Variants in ZBTB46 observed in about 807,000 individuals in gnomAD.
ZBTB46 encodes zinc finger and BTB domain-containing protein 46.
Under a neutral mutation model 44.1 loss-of-function variants are expected in ZBTB46, and 8 were observed. The observed-to-expected ratio is 0.18, with a 90% CI of 0.11 to 0.33. The LOEUF is 0.33. ZBTB46 is among the 10% of genes least tolerant of loss of function. The pLI is 1.00. For missense variants in ZBTB46, 651 were observed against 847.7 expected, an observed-to-expected ratio of 0.77 and a Z score of 2.88; for synonymous variants, 409 against 382.3, an observed-to-expected ratio of 1.07 and a Z score of -0.81.
chr20:63,760,320 C>A lies in ZBTB46; in HGVS notation c.1223-7459G>T, dbSNP rs550333840. 2.0e-5 allele frequency among the ~76,000 whole-genome samples: 3 copies of A among 152,322 alleles called. No homozygotes were observed. The East Asian group carries it at 5.8e-4, about 29-fold the overall frequency. The stretch of plus-strand genomic sequence containing the variant: ...CAGATCATAAAACCATTGAGCTCTT[C>A]CTGTTTGCTCCAGTTTTGATAAATT... On this transcript the variant is annotated intron_variant, in intron 3 of 4. Transcript: ENST00000245663.
chr20:63,792,569 T>A (rs748058104), intron 1 of ZBTB46, among the ~76,000 whole-genome samples: 29 of 151,838 alleles, frequency 1.9e-4, no homozygotes, highest in Non-Finnish European at 3.8e-4. Context: ...CAGGCTGGAG[T>A]GCAGTGGTTT....
At chr20:63,750,408 T>C (rs1432015431) in intron 4 of ZBTB46, among the ~76,000 whole-genome samples, 1 of 151,916 alleles carries the variant, frequency 6.6e-6, no homozygotes, top group African/African-American at 2.4e-5. Context: ...TTTTTTTTTT[T>C]TTTAATTTTT....
At chr20:63,795,553 C>T (rs1156690929) in intron 1 of ZBTB46, among the ~76,000 whole-genome samples, 1 of 152,258 alleles carries the variant, frequency 6.6e-6, no homozygotes, top group East Asian at 1.9e-4. Flanking sequence ...GTGGTCTCCA[C>T]AGTGCACGCT....
intron 1 of ZBTB46, among the ~76,000 whole-genome samples, chr20:63,818,313 T>A (rs2092771694): frequency 6.6e-6 from 1 of 152,140 alleles, no homozygotes; most frequent in Non-Finnish European, 1.5e-5. Flanking sequence ...CCAGAAGCCC[T>A]CGGTGCAGCC....
chr20:63,786,101 C>T (rs749328927), intron 2 of ZBTB46, among the ~76,000 whole-genome samples: 63 of 152,190 alleles, frequency 4.1e-4, no homozygotes, highest in Non-Finnish European at 7.2e-4. Context: ...GGAGGGGCCT[C>T]GCTGTGCTGA....
chr20:63,805,808 G>A (rs1340136227), intron 1 of ZBTB46, among the ~76,000 whole-genome samples: 1 of 151,908 alleles, frequency 6.6e-6, no homozygotes, highest in Non-Finnish European at 1.5e-5. Flanking sequence ...CAGGCTGGAG[G>A]GCAGTGGCAC....
chr20:63,757,062 C>T (rs1035715739), intron 3 of ZBTB46, among the ~76,000 whole-genome samples: 1 of 152,164 alleles, frequency 6.6e-6, no homozygotes, highest in African/African-American at 2.4e-5. Context: ...TGCCAATTTT[C>T]CAAAGATTTA....
intron 1 of ZBTB46, among the ~76,000 whole-genome samples, chr20:63,791,431 G>A (rs1470190055): frequency 2.8e-5 from 4 of 141,632 alleles, no homozygotes; most frequent in Admixed American, 2.3e-4. Context: ...GGGAGGCGGA[G>A]CCTGCAGTGA....
chr20:63,752,665 G>A lies in ZBTB46; in HGVS notation c.1398+21C>T, dbSNP rs369951274. 1.4e-5 allele frequency: 22 copies of A among 1,520,254 alleles called. No individual in the cohort carries two copies. The highest frequency in any genetic ancestry group is 4.7e-5 in the East Asian group (2 of 42,222). 94.2% of individuals were successfully genotyped at this position (1,520,254 alleles called of 1,614,324 possible). The stretch of plus-strand genomic sequence containing the variant: ...CGTGGCCACGCGCAGCGCGCGGCAC[G>A]CGGACCCTCCCCGCACTCACCAGCG... On this transcript the variant is annotated intron_variant, in intron 4 of 4. Coordinates refer to ENST00000245663, the MANE Select transcript of ZBTB46 (RefSeq NM_001369741.1). The surrounding 1 kb of genome is among the most constrained non-coding windows in gnomAD (Gnocchi z 5.6).
At chr20:63,812,385 T>C (rs1195159428) in intron 1 of ZBTB46, among the ~76,000 whole-genome samples, 1 of 151,952 alleles carries the variant, frequency 6.6e-6, no homozygotes, top group Non-Finnish European at 1.5e-5. Flanking sequence ...GGTGTGCACC[T>C]GTAATCCCAG....
intron 1 of ZBTB46, among the ~76,000 whole-genome samples, chr20:63,829,845 CA>C (rs1389626524): frequency 6.6e-6 from 1 of 152,202 alleles, no homozygotes; most frequent in Non-Finnish European, 1.5e-5. Flanking sequence ...GTCTGTTACC[CA>C]AACGGGAAGT....
At chr20:63,830,223 AG>A (rs1419804269) in intron 1 of ZBTB46, among the ~76,000 whole-genome samples, 2 of 152,240 alleles carry the variant, frequency 1.3e-5, no homozygotes, top group African/African-American at 4.8e-5. Flanking sequence ...CAGCGGGGCC[AG>A]GGGAACCCCA....
chr20:63,804,022 G>A (rs1022733249), intron 1 of ZBTB46, among the ~76,000 whole-genome samples: 3 of 152,074 alleles, frequency 2.0e-5, no homozygotes, highest in Admixed American at 6.6e-5. Context: ...TCTGTCGGGC[G>A]TCCCCAGCCA....
intron 4 of ZBTB46, among the ~76,000 whole-genome samples, chr20:63,749,239 C>T (rs1008188659): frequency 2.0e-5 from 3 of 152,246 alleles, no homozygotes; most frequent in Admixed American, 6.5e-5. Flanking sequence ...CAGCACCACA[C>T]AGCACACCTC....
chr20:63,758,872 C>T (rs2092249216), intron 3 of ZBTB46, among the ~76,000 whole-genome samples: 1 of 151,410 alleles, frequency 6.6e-6, no homozygotes, highest in South Asian at 2.1e-4. Flanking sequence ...GCTGGGACTA[C>T]AGGCGCCCGC....
intron 1 of ZBTB46, among the ~76,000 whole-genome samples, chr20:63,829,802 G>A (rs1251792766): frequency 6.6e-6 from 1 of 152,190 alleles, no homozygotes; most frequent in African/African-American, 2.4e-5. Context: ...CCTTGCAGAG[G>A]CAGCGTGAGT....
Position 63,767,828 on chromosome 20 carries a change from G to T in ZBTB46, c.1222+7850C>A. ...CCAGGGCTGGGCAAGTCCATCCAGG[G>T]CTGGGCAAGTCCATCCAGGCCTGGG... On this transcript the variant is annotated intron_variant, in intron 3 of 4. Coordinates refer to ENST00000245663, the MANE Select transcript of ZBTB46 (RefSeq NM_001369741.1). The surrounding 1 kb of genome is among the most constrained non-coding windows in gnomAD (Gnocchi z 5.0). 1 of 965,688 alleles carries T rather than the reference G, an allele frequency of 1.0e-6. No homozygotes were observed. Among genetic ancestry groups the T allele is most frequent in the Non-Finnish European group, 1.2e-6 (1 of 812,678 alleles). The allele number at this position is 965,688 out of a possible 1,614,324, so 59.8% of individuals were successfully genotyped here. A position where few individuals can be genotyped will look rare whatever the true frequency, so the allele number is the denominator to read the frequency against.
At chr20:63,811,772 G>A (rs1295129355) in intron 1 of ZBTB46, among the ~76,000 whole-genome samples, 2 of 152,178 alleles carry the variant, frequency 1.3e-5, no homozygotes, top group Non-Finnish European at 2.9e-5. Flanking sequence ...CTGGGCAGGT[G>A]AGCCATGGTG....
intron 3 of ZBTB46, among the ~76,000 whole-genome samples, chr20:63,773,408 G>C (rs1275544497): frequency 2.6e-5 from 4 of 152,024 alleles, no homozygotes; most frequent in African/African-American, 9.7e-5. Context: ...ACTTCTTGTA[G>C]GGATGGGGTT....
Sources: gnomAD v4.1 joint callset for allele counts (sites outside exome capture counted in the v4.1 genomes callset) on GRCh38, gnomAD v4.1.1 for gene constraint, Gnocchi (gnomAD v3.1) non-coding constraint, MANE v1.5 for transcripts, NCBI Gene and HGNC (gene_info 2026-07-23, HGNC 2026-07-21) for gene names.